GLIS3: variants seen among roughly 807,000 people sequenced by gnomAD.
The protein encoded by GLIS3 is zinc finger protein GLIS3.
In GLIS3, 53 loss-of-function variants were observed where a neutral mutation model predicts 78.6. That is an observed-to-expected ratio of 0.67 (90% CI 0.54 to 0.85). GLIS3 has a LOEUF of 0.85. GLIS3 is among the 40% of genes least tolerant of loss of function. The pLI is 0.00. For missense variants in GLIS3, 1,703 were observed against 1,231.1 expected (o/e 1.38, Z -5.74); for synonymous variants, 684 against 509.9 (o/e 1.34, Z -4.60).
At chr9:4,211,400 GAGATCTAT>G (rs2131299759) in intron 2 of GLIS3, among the ~76,000 whole-genome samples, 1 of 152,304 alleles carries the variant, frequency 6.6e-6, no homozygotes, top group Non-Finnish European at 1.5e-5. Flanking sequence ...AGTGCAGAAA[GAGATCTAT>G]CAAGCCTTGC....
chr9:4,112,797 G>A (rs527436658), intron 4 of GLIS3, among the ~76,000 whole-genome samples: 1 of 152,218 alleles, frequency 6.6e-6, no homozygotes, highest in African/African-American at 2.4e-5. Context: ...CAAATAGGCA[G>A]TAAAGTATAC....
the GLIS3 span, among the ~76,000 whole-genome samples, chr9:4,459,727 G>A: frequency 0.015 from 2,352 of 152,252 alleles, 68 homozygotes; most frequent in African/African-American, 0.054. Context: ...GAGGTCAAGT[G>A]AGCCACTGCA....
At chr9:4,365,724 G>C in the GLIS3 span, among the ~76,000 whole-genome samples, 4 of 152,184 alleles carry the variant, frequency 2.6e-5, no homozygotes, top group African/African-American at 9.7e-5. Context: ...GCAAAGCTCT[G>C]CTCCAACTCA....
chr9:4,197,712 C>G (rs1378190027), intron 2 of GLIS3, among the ~76,000 whole-genome samples: 1 of 152,186 alleles, frequency 6.6e-6, no homozygotes, highest in African/African-American at 2.4e-5. Flanking sequence ...AGCCTGTTGT[C>G]TAAGTCAGTA....
chr9:4,045,949 G>C (rs1051261348), intron 4 of GLIS3, among the ~76,000 whole-genome samples: 1 of 151,980 alleles, frequency 6.6e-6, no homozygotes, highest in Non-Finnish European at 1.5e-5. Flanking sequence ...TTGGGAGATC[G>C]GGGGGGAAAT....
chr9:3,941,649 C>A (rs1435951270), intron 4 of GLIS3, among the ~76,000 whole-genome samples: 1 of 152,054 alleles, frequency 6.6e-6, no homozygotes, highest in Non-Finnish European at 1.5e-5. Context: ...AGTGGCTTTG[C>A]GGACACATAT....
intron 2 of GLIS3, among the ~76,000 whole-genome samples, chr9:4,245,809 G>A (rs565353147): frequency 2.6e-5 from 4 of 152,224 alleles, no homozygotes; most frequent in Non-Finnish European, 5.9e-5. Context: ...ATAATAAAGT[G>A]CCCTGTATTG....
chr9:3,844,557 C>T (rs1048875856), intron 9 of GLIS3, among the ~76,000 whole-genome samples: 14 of 152,134 alleles, frequency 9.2e-5, no homozygotes, highest in African/African-American at 3.1e-4. Context: ...ATTAATTAAA[C>T]ACTTTCTATA....
chr9:4,367,489 A>ACAC, the GLIS3 span, among the ~76,000 whole-genome samples: 38 of 151,848 alleles, frequency 2.5e-4, 1 homozygote, highest in Non-Finnish European at 3.8e-4. Flanking sequence ...ACCACTCATA[A>ACAC]CACTCCATCT....
Position 3,827,976 on chromosome 9 carries a change from G to T in GLIS3, c.*296C>A, listed in dbSNP as rs1358231211. ...CATCATTTCACTGGGGTCCTTTAAGGGTTGACAGCCAGGAAGTAACAGGTA... is the reference window on the plus strand; with the variant it reads ...CATCATTTCACTGGGGTCCTTTAAGTGTTGACAGCCAGGAAGTAACAGGTA... On this transcript the variant is annotated 3_prime_UTR_variant, in exon 11 of 11. Transcript: ENST00000381971. 1 of 442,522 alleles carries T rather than the reference G, an allele frequency of 2.3e-6. No homozygotes were observed. Among genetic ancestry groups the T allele is most frequent in the Non-Finnish European group, 4.2e-6 (1 of 238,080 alleles). 27.4% of individuals were successfully genotyped at this position (442,522 alleles called of 1,614,324 possible).
the GLIS3 span, among the ~76,000 whole-genome samples, chr9:4,479,473 A>G: frequency 1.3e-5 from 2 of 152,088 alleles, no homozygotes; most frequent in African/African-American, 4.8e-5. Flanking sequence ...TTCAAGGCCT[A>G]CACCTCACTT....
intron 4 of GLIS3, among the ~76,000 whole-genome samples, chr9:4,043,762 C>G (rs1353658029): frequency 6.6e-6 from 1 of 152,198 alleles, no homozygotes; most frequent in Non-Finnish European, 1.5e-5. Context: ...GACCCAGTAC[C>G]TCTTTAGAAT....
intron 4 of GLIS3, among the ~76,000 whole-genome samples, chr9:4,097,969 T>C (rs150643008): frequency 1.3e-5 from 2 of 152,330 alleles, no homozygotes; most frequent in Non-Finnish European, 2.9e-5. Flanking sequence ...TTGGTATTTG[T>C]CATATTACTC....
chr9:4,015,866 G>A (rs943543934), intron 4 of GLIS3, among the ~76,000 whole-genome samples: 1 of 133,430 alleles, frequency 7.5e-6, no homozygotes, highest in Non-Finnish European at 1.5e-5. Context: ...TTTAGCCTGA[G>A]TGACAGAGCG....
chr9:4,227,401 C>T (rs1407949035), intron 2 of GLIS3, among the ~76,000 whole-genome samples: 1 of 151,852 alleles, frequency 6.6e-6, no homozygotes, highest in South Asian at 2.1e-4. Flanking sequence ...TAAAGCAGGA[C>T]TTATGGAAGA....
At chr9:4,155,433 A>C (rs1834980296) in intron 2 of GLIS3, among the ~76,000 whole-genome samples, 1 of 152,224 alleles carries the variant, frequency 6.6e-6, no homozygotes, top group Non-Finnish European at 1.5e-5. Flanking sequence ...ATTCTTAGGC[A>C]GTTGTGCGGT....
intron 2 of GLIS3, among the ~76,000 whole-genome samples, chr9:4,186,247 T>A (rs980289638): frequency 1.3e-5 from 2 of 149,878 alleles, no homozygotes; most frequent in African/African-American, 4.9e-5. Flanking sequence ...GAACATGCAG[T>A]GTTTGGCCTT....
chr9:4,331,694 C>A (rs1019017241), intron 2 of GLIS3, among the ~76,000 whole-genome samples: 1 of 152,150 alleles, frequency 6.6e-6, no homozygotes, highest in Non-Finnish European at 1.5e-5. Context: ...ATGATGAAGG[C>A]AGGCACTGGT....
At chr9:4,018,820 G>C (rs578205675) in intron 4 of GLIS3, among the ~76,000 whole-genome samples, 156 of 152,250 alleles carry the variant, frequency 1.0e-3, no homozygotes, top group African/African-American at 3.7e-3. Context: ...AATATAAATG[G>C]GGACAAGCTA....
Sources: gnomAD v4.1 joint callset for allele counts (sites outside exome capture counted in the v4.1 genomes callset) on GRCh38, gnomAD v4.1.1 for gene constraint, MANE v1.5 for transcripts, NCBI Gene and HGNC (gene_info 2026-07-23, HGNC 2026-07-21) for gene names.